The following CACNA1C variants were observed in gnomAD, a reference collection of about 807,000 sequenced individuals.
CACNA1C encodes calcium voltage-gated channel subunit alpha1 C.
Under a neutral mutation model 229.0 loss-of-function variants are expected in CACNA1C, and 30 were observed. The observed-to-expected ratio is 0.13, with a 90% CI of 0.10 to 0.18. The LOEUF (loss-of-function observed/expected upper bound fraction) is 0.18, where lower values mean the gene tolerates loss of function less well. Ranked by LOEUF, CACNA1C falls within the 10% of genes least tolerant of loss-of-function variation. The pLI is 1.00. For missense variants in CACNA1C, 1,658 were observed against 2,845.0 expected, an observed-to-expected ratio of 0.58 and a Z score of 9.49; for synonymous variants, 1,114 against 1,132.5, an observed-to-expected ratio of 0.98 and a Z score of 0.33.
chr12:2,325,722 A>G (rs966788629), intron 3 of CACNA1C, among the ~76,000 whole-genome samples: 7 of 152,334 alleles, frequency 4.6e-5, no homozygotes, highest in Non-Finnish European at 1.0e-4. Flanking sequence ...CCTTCAAGTC[A>G]TGTAATAGCC....
intron 5 of CACNA1C, among the ~76,000 whole-genome samples, chr12:2,476,199 G>A (rs1010691394): frequency 1.3e-5 from 2 of 152,244 alleles, no homozygotes; most frequent in Non-Finnish European, 2.9e-5. Context: ...GAGATGCACT[G>A]TTGAGAAGGA....
intron 29 of CACNA1C, among the ~76,000 whole-genome samples, chr12:2,616,152 G>A (rs2080440010): frequency 1.3e-5 from 2 of 152,178 alleles, no homozygotes; most frequent in Non-Finnish European, 2.9e-5. Context: ...TGGTCCAGAG[G>A]GGAGAATGGA....
chr12:2,584,952 G>A (rs1345143892), intron 16 of CACNA1C, among the ~76,000 whole-genome samples: 4 of 152,298 alleles, frequency 2.6e-5, no homozygotes, highest in East Asian at 1.9e-4. Flanking sequence ...AGCTTACAGA[G>A]GGAGTCCTCC....
chr12:1,991,550 CTT>C (rs891578089), intron 1 of CACNA1C: 24 of 225,474 alleles, frequency 1.1e-4, no homozygotes, highest in East Asian at 2.5e-4. Context: ...AGGTTTTTTC[CTT>C]TTTTTTTTGC....
Position 2,656,679 on chromosome 12 carries a change from T to C in CACNA1C, c.4232+1441T>C, listed in dbSNP as rs559974275. ...GGCACCACAATGCATGATATAAAAA[T>C]CTGTTACAAAGCTACAGTAACCAAA... On this transcript the variant is annotated intron_variant, in intron 34 of 46. Transcript: ENST00000399655. Among the ~76,000 whole-genome samples the C allele has an allele frequency of 5.3e-5, 8 of 152,296 alleles. No individual in the cohort carries two copies. The South Asian group carries it at 1.7e-3, about 32-fold the overall frequency.
rs2097794394 is a variant in CACNA1C at position 2,691,969 on chromosome 12, A to T, written c.*770A>T. ...TTCTTTTCGGTTTTGGTTTTTTTTA[A>T]ATGTTTTATTTTGCTTTCCCAGCGG... is the stretch of plus-strand genomic sequence containing the variant. On this transcript the variant is annotated 3_prime_UTR_variant, in exon 47 of 47. Transcript: ENST00000399655. 6.6e-6 allele frequency: 1 copy of T among 151,944 alleles called. No homozygotes were observed. Among genetic ancestry groups the T allele is most frequent in the Non-Finnish European group, 1.5e-5 (1 of 67,980 alleles). 9.4% of individuals were successfully genotyped at this position (151,944 alleles called of 1,614,324 possible). A position where few individuals can be genotyped will look rare whatever the true frequency, so the allele number is the denominator to read the frequency against.
chr12:2,525,227 G>C (rs1598889276), intron 9 of CACNA1C, among the ~76,000 whole-genome samples: 1 of 152,166 alleles, frequency 6.6e-6, no homozygotes, highest in African/African-American at 2.4e-5. Context: ...CTGTGCAGCC[G>C]AGTGTGGACA....
chr12:2,116,040 G>A (rs1240590297), intron 2 of CACNA1C, among the ~76,000 whole-genome samples: 1 of 152,010 alleles, frequency 6.6e-6, no homozygotes, highest in African/African-American at 2.4e-5. Context: ...AGTGGTCAGG[G>A]CCCCTGGCTG....
Position 2,654,419 on chromosome 12 carries a change from G to A in CACNA1C, c.4140+519G>A, listed in dbSNP as rs1289352147. On this transcript the variant is annotated intron_variant, in intron 33 of 46. Coordinates refer to ENST00000399655, the MANE Select transcript of CACNA1C (RefSeq NM_000719.7). The surrounding 1 kb of genome is among the most constrained non-coding windows in gnomAD (Gnocchi z 4.4). Reference sequence around the variant, plus strand: ...ATCAAATGTGCAGCAGTTTTCTGGGGCCTCCCCTCCCAGGTGCCCACTGCA... The same window carrying A: ...ATCAAATGTGCAGCAGTTTTCTGGGACCTCCCCTCCCAGGTGCCCACTGCA... 6.6e-6 allele frequency among the ~76,000 whole-genome samples: 1 copy of A among 152,204 alleles called. No individual in the cohort carries two copies. The highest frequency in any genetic ancestry group is 6.5e-5 in the Admixed American group (1 of 15,278).
intron 3 of CACNA1C, among the ~76,000 whole-genome samples, chr12:2,157,835 TAA>T (rs966042310): frequency 6.6e-6 from 1 of 151,896 alleles, no homozygotes; most frequent in African/African-American, 2.4e-5. Flanking sequence ...GAGGAAAACT[TAA>T]AAAAAACACA....
chr12:2,690,831 C>G, intron 46 of CACNA1C, 69 bp from the exon 47 acceptor site: 1 of 1,431,658 alleles, frequency 7.0e-7, no homozygotes, highest in Non-Finnish European at 9.3e-7. Context: ...CTCTAGCCCT[C>G]AAGGGAAGAG....
In CACNA1C at chr12:2,688,738, G is replaced by A. The variant is rs2097652948; in HGVS notation, c.6076G>A (p.Gly2026Arg). 6.3e-7 allele frequency: 1 copy of A among 1,593,662 alleles called. No homozygotes were observed. The highest frequency in any genetic ancestry group is 1.3e-5 in the African/African-American group (1 of 74,410). Residue 2026 changes from glycine (G) to arginine (R), a missense_variant, in exon 46 of 47, where the codon GGG becomes AGG. Coordinates refer to ENST00000399655, the MANE Select transcript of CACNA1C (RefSeq NM_000719.7). ...LMVPSQAGAP[G>R]RQFHGSASSL... ...GGTGCCCAGCCAGGCTGGGGCCCCA[G>A]GGAGGCAGTTCCACGGCAGTGCCAG... is the stretch of plus-strand genomic sequence containing the variant.
At chr12:2,158,571 G>A (rs1008870743) in intron 3 of CACNA1C, among the ~76,000 whole-genome samples, 4 of 152,154 alleles carry the variant, frequency 2.6e-5, no homozygotes, top group African/African-American at 9.7e-5. Context: ...ATTACAAAAG[G>A]TCAGGAATCA....
intron 29 of CACNA1C, chr12:2,613,785 T>C (rs2079056501): frequency 6.6e-6 from 1 of 152,648 alleles, no homozygotes; most frequent in Non-Finnish European, 1.5e-5. Context: ...GCTCTGACAG[T>C]TCGCCACCCA....
At chr12:2,016,959 T>C (rs1303229267) in intron 1 of CACNA1C, among the ~76,000 whole-genome samples, 1 of 152,200 alleles carries the variant, frequency 6.6e-6, no homozygotes, top group Non-Finnish European at 1.5e-5. Flanking sequence ...TCCTGTTCCT[T>C]AAGGATATAG....
intron 4 of CACNA1C, among the ~76,000 whole-genome samples, chr12:2,450,019 G>T (rs2099346037): frequency 6.6e-6 from 1 of 152,172 alleles, no homozygotes; most frequent in Non-Finnish European, 1.5e-5. Flanking sequence ...AGGGAACTAT[G>T]AAAGGCGAAG....
chr12:2,665,009 C>A lies in CACNA1C; in HGVS notation c.4398+19C>A. On this transcript the variant is annotated intron_variant, in intron 35 of 46. Transcript: ENST00000399655. The surrounding 1 kb of genome is among the most constrained non-coding windows in gnomAD (Gnocchi z 5.9). ...CTTCCTGGTAAGCCAAGGGGGAACT[C>A]AACAGCCAGCAGCCATGACTGCCCA... The A allele has an allele frequency of 6.2e-7, 1 of 1,613,276 alleles. No homozygotes were observed.
chr12:1,985,013 T>C (rs1565826665), intron 1 of CACNA1C, among the ~76,000 whole-genome samples: 1 of 151,968 alleles, frequency 6.6e-6, no homozygotes, highest in African/African-American at 2.4e-5. Context: ...CACAATGGTT[T>C]TCTCTGGTTT....
chr12:2,669,150 G>A lies in CACNA1C; in HGVS notation c.4726+115G>A, dbSNP rs944256934. On this transcript the variant is annotated intron_variant, in intron 38 of 46. Transcript: ENST00000399655. ...GAACTTCCTGCCCCAGACAGCATCC[G>A]AGCTGGGATACGGGGGTAACGTGCG... is the stretch of plus-strand genomic sequence containing the variant. 43 of 778,540 alleles carry A rather than the reference G, an allele frequency of 5.5e-5. No homozygotes were observed. In the Middle Eastern group the frequency reaches 6.8e-4, roughly 12 times the overall value. 48.2% of individuals were successfully genotyped at this position (778,540 alleles called of 1,614,324 possible).
Sources: allele counts gnomAD v4.1 joint callset (sites outside exome capture counted in the v4.1 genomes callset), GRCh38; gene constraint gnomAD v4.1.1; non-coding constraint Gnocchi (gnomAD v3.1); transcripts MANE v1.5; gene names NCBI Gene and HGNC (gene_info 2026-07-23, HGNC 2026-07-21).